PPFIBP1: variants seen among roughly 807,000 people sequenced by gnomAD.
PPFIBP1 encodes the protein PPFIB scaffold protein 1.
Under a neutral mutation model 137.8 loss-of-function variants are expected in PPFIBP1, and 112 were observed. That is an observed-to-expected ratio of 0.81 (90% CI 0.70 to 0.95). PPFIBP1 has a LOEUF of 0.95. PPFIBP1 is among the 40% of genes least tolerant of loss of function. PPFIBP1 has a pLI of 0.00. For synonymous variants in PPFIBP1, 378 were observed against 417.3 expected (o/e 0.91, Z 1.15); for missense variants, 1,083 against 1,196.6 (o/e 0.91, Z 1.40).
chr12:27,538,677 A>G (rs1945317387), intron 1 of PPFIBP1, among the ~76,000 whole-genome samples: 1 of 152,222 alleles, frequency 6.6e-6, no homozygotes, highest in African/African-American at 2.4e-5. Flanking sequence ...TCATTCAACC[A>G]ATATGCATTA....
chr12:27,620,351 G>A (rs141829898), intron 2 of PPFIBP1, among the ~76,000 whole-genome samples: 10 of 152,174 alleles, frequency 6.6e-5, no homozygotes, highest in East Asian at 5.8e-4. Context: ...TAACCCTCTG[G>A]CTCACCAGCT....
At chr12:27,558,497 ATATTCTATATAGAT>A (rs2048891563) in intron 1 of PPFIBP1, among the ~76,000 whole-genome samples, 1 of 66,272 alleles carries the variant, frequency 1.5e-5, no homozygotes. Context: ...CACACACACG[ATATTCTATATAGAT>A]CAAGAAATGT....
At chr12:27,692,445 AAGG>A in intron 28 of PPFIBP1, 143 bp from the exon 29 acceptor site, 1 of 719,184 alleles carries the variant, frequency 1.4e-6, no homozygotes, top group Non-Finnish European at 2.4e-6. Flanking sequence ...GCAGTGGTGA[AAGG>A]AGATTATCAC....
rs369890152 is a variant in PPFIBP1 at position 27,663,010 on chromosome 12, G to T, written c.907-1352G>T. Reference sequence around the variant, plus strand: ...CTTAGCTGATGTCTACAGTCAGCTGGTGGCTTAGATGAGACTGCATGCATA... The same window carrying T: ...CTTAGCTGATGTCTACAGTCAGCTGTTGGCTTAGATGAGACTGCATGCATA... On this transcript the variant is annotated intron_variant, in intron 11 of 29. Coordinates refer to ENST00000228425, the MANE Select transcript of PPFIBP1 (RefSeq NM_003622.4). Among the ~76,000 whole-genome samples the T allele has an allele frequency of 3.3e-5, 5 of 152,174 alleles. No homozygotes were observed. In the East Asian group the frequency reaches 9.6e-4, roughly 29 times the overall value.
chr12:27,537,813 T>C (rs1309969739), intron 1 of PPFIBP1, among the ~76,000 whole-genome samples: 3 of 152,042 alleles, frequency 2.0e-5, no homozygotes, highest in African/African-American at 7.2e-5. Context: ...GGGTTTACTC[T>C]TAAGGCAGAG....
chr12:27,688,863 A>G (rs1459937199), intron 26 of PPFIBP1, 152 bp from the exon 27 acceptor site: 3 of 693,272 alleles, frequency 4.3e-6, no homozygotes, highest in Non-Finnish European at 7.0e-6. Context: ...TGTAAATTAA[A>G]GATCAAAGTC....
intron 9 of PPFIBP1, 81 bp from the exon 10 acceptor site, chr12:27,658,735 G>C (rs1331922923): frequency 1.1e-5 from 15 of 1,419,688 alleles, no homozygotes; most frequent in Admixed American, 4.0e-5. Context: ...GGTAAAAAGA[G>C]ACTAAATAGT....
chr12:27,564,830 A>C, intron 1 of PPFIBP1, among the ~76,000 whole-genome samples: 1 of 151,086 alleles, frequency 6.6e-6, no homozygotes, highest in African/African-American at 2.4e-5. Flanking sequence ...AGCCCCTTTG[A>C]CTCCCCGTCA....
chr12:27,644,019 G>C (rs1384684304), intron 4 of PPFIBP1, among the ~76,000 whole-genome samples: 1 of 150,910 alleles, frequency 6.6e-6, no homozygotes, highest in African/African-American at 2.4e-5. Flanking sequence ...AAAGTAGCTT[G>C]GGAGGAAACA....
In PPFIBP1 at chr12:27,525,868, G is replaced by A. The variant is rs545434247; in HGVS notation, c.-124+1503G>A. ...TGTTGTTTATGACATACCTGGGTCT[G>A]TATTGTTGTTAGTTCCTGAAAAAAT... On this transcript the variant is annotated intron_variant, in intron 1 of 29. Coordinates refer to ENST00000228425, the MANE Select transcript of PPFIBP1 (RefSeq NM_003622.4). 7.2e-5 allele frequency among the ~76,000 whole-genome samples: 11 copies of A among 152,304 alleles called. No homozygotes were observed. The South Asian group carries it at 8.3e-4, about 11-fold the overall frequency.
chr12:27,589,581 A>G (rs145060247), intron 2 of PPFIBP1, among the ~76,000 whole-genome samples: 1 of 152,360 alleles, frequency 6.6e-6, no homozygotes, highest in East Asian at 1.9e-4. Context: ...AAAGACTTGC[A>G]AAGCACACTG....
At chr12:27,545,531 T>G (rs1443702518) in intron 1 of PPFIBP1, among the ~76,000 whole-genome samples, 1 of 152,168 alleles carries the variant, frequency 6.6e-6, no homozygotes, top group Non-Finnish European at 1.5e-5. Flanking sequence ...AGGGATTTCT[T>G]GTTGCTGGCT....
intron 7 of PPFIBP1, among the ~76,000 whole-genome samples, chr12:27,653,958 G>A (rs1318214324): frequency 6.6e-6 from 1 of 152,116 alleles, no homozygotes; most frequent in Non-Finnish European, 1.5e-5. Context: ...TAAACTTACA[G>A]TAAACTCAAT....
intron 6 of PPFIBP1, among the ~76,000 whole-genome samples, chr12:27,648,531 G>A (rs188166239): frequency 4.1e-4 from 62 of 152,284 alleles, no homozygotes; most frequent in Admixed American, 2.9e-3. Context: ...TCAGTATATC[G>A]AAGAAATATC....
chr12:27,634,076 C>T (rs961907896), intron 3 of PPFIBP1, among the ~76,000 whole-genome samples: 4 of 151,162 alleles, frequency 2.6e-5, no homozygotes, highest in African/African-American at 9.7e-5. Flanking sequence ...ACCTCGTGAT[C>T]CACTCATGTC....
intron 1 of PPFIBP1, among the ~76,000 whole-genome samples, chr12:27,561,889 T>A (rs937840288): frequency 2.0e-4 from 31 of 151,748 alleles, no homozygotes; most frequent in East Asian, 3.9e-4. Flanking sequence ...CAAAAAAAAA[T>A]TAAAATTAAA....
chr12:27,689,496 G>T (rs1039602497), intron 27 of PPFIBP1, among the ~76,000 whole-genome samples: 1 of 152,020 alleles, frequency 6.6e-6, no homozygotes, highest in African/African-American at 2.4e-5. Flanking sequence ...CAGCAGGGTC[G>T]CAGTAACAAT....
chr12:27,639,508 A>G (rs184304836), intron 4 of PPFIBP1, among the ~76,000 whole-genome samples: 125 of 152,310 alleles, frequency 8.2e-4, no homozygotes, highest in African/African-American at 2.9e-3. Flanking sequence ...AGGTGGTGAA[A>G]TCCCGAAGGT....
chr12:27,585,951 A>G (rs1171193720), intron 2 of PPFIBP1, among the ~76,000 whole-genome samples: 1 of 152,212 alleles, frequency 6.6e-6, no homozygotes, highest in African/African-American at 2.4e-5. Context: ...TTGCCTCAGG[A>G]TCCGATTATA....
Sources: allele counts gnomAD v4.1 joint callset (sites outside exome capture counted in the v4.1 genomes callset), GRCh38; gene constraint gnomAD v4.1.1; transcripts MANE v1.5; gene names NCBI Gene and HGNC (gene_info 2026-07-23, HGNC 2026-07-21).